Variants in SCN8A observed in about 807,000 individuals in gnomAD.
SCN8A encodes the protein sodium voltage-gated channel alpha subunit 8.
In SCN8A, 30 loss-of-function variants were observed where a neutral mutation model predicts 184.1. The ratio of observed to expected loss-of-function variants is 0.16; its 90% CI spans 0.12 to 0.22. The LOEUF is 0.22. SCN8A is among the 10% of genes least tolerant of loss of function. The pLI is 1.00. For missense variants in SCN8A, 1,057 were observed against 2,498.9 expected (o/e 0.42, Z 12.30); for synonymous variants, 852 against 907.0 (o/e 0.94, Z 1.09).
rs1228235939 is a variant in SCN8A, at chr12:51,808,317, CAAA to C, written c.*892_*894del. ...ACTAATTGACTAACACCACCAACAA[CAAA>C]AAACAAACCCAATCCAACAAGCAGA... On this transcript the variant is annotated 3_prime_UTR_variant, in exon 27 of 27. Coordinates refer to ENST00000627620, the MANE Select transcript of SCN8A (RefSeq NM_001330260.2). 1 of 152,600 alleles carries C rather than the reference CAAA, an allele frequency of 6.6e-6. No individual in the cohort carries two copies. The highest frequency in any genetic ancestry group is 1.5e-5 in the Non-Finnish European group (1 of 68,024). The allele number at this position is 152,600 out of a possible 1,614,324, so 9.5% of individuals were successfully genotyped here. A position where few individuals can be genotyped will look rare whatever the true frequency, so the allele number is the denominator to read the frequency against.
chr12:51,723,135 A>G (rs1193450965), intron 12 of SCN8A: 1 of 152,240 alleles, frequency 6.6e-6, no homozygotes, highest in Admixed American at 6.5e-5. Context: ...TAAAATATCA[A>G]AAGGCAATTT....
chr12:51,678,277 G>T (rs1392988802), intron 2 of SCN8A, among the ~76,000 whole-genome samples: 1 of 152,130 alleles, frequency 6.6e-6, no homozygotes, highest in Non-Finnish European at 1.5e-5. Flanking sequence ...TCTGCCTTGG[G>T]GCTGCTCTAT....
intron 1 of SCN8A, among the ~76,000 whole-genome samples, chr12:51,602,761 C>T (rs994906207): frequency 6.6e-6 from 1 of 152,044 alleles, no homozygotes; most frequent in African/African-American, 2.4e-5. Flanking sequence ...TGGCTTTGGG[C>T]CAATACACAG....
At chr12:51,642,803 C>A (rs990984597) in intron 1 of SCN8A, among the ~76,000 whole-genome samples, 1 of 151,608 alleles carries the variant, frequency 6.6e-6, no homozygotes, top group Non-Finnish European at 1.5e-5. Context: ...CCCATCTTCT[C>A]TTCCCCTGTA....
intron 11 of SCN8A, among the ~76,000 whole-genome samples, chr12:51,715,635 G>C (rs1456085765): frequency 7.2e-6 from 1 of 138,144 alleles, no homozygotes; most frequent in African/African-American, 2.8e-5. Flanking sequence ...TTCAGCCTGG[G>C]TGACAGAGCA....
At chr12:51,792,766 A>G (rs1938299692) in intron 25 of SCN8A, among the ~76,000 whole-genome samples, 1 of 152,148 alleles carries the variant, frequency 6.6e-6, no homozygotes, top group Admixed American at 6.5e-5. Context: ...GTTTTGAGAC[A>G]GAGTCTCTCT....
chr12:51,650,839 A>G (rs1000685885), intron 1 of SCN8A, among the ~76,000 whole-genome samples: 2 of 152,224 alleles, frequency 1.3e-5, no homozygotes, highest in Non-Finnish European at 2.9e-5. Context: ...AGAAGTGTGA[A>G]GTGGGAAATC....
intron 11 of SCN8A, chr12:51,713,222 A>T (rs1227144205): frequency 8.6e-7 from 1 of 1,165,884 alleles, no homozygotes; most frequent in Non-Finnish European, 1.3e-6. Flanking sequence ...CCACCAACAA[A>T]AATTTTCTTC....
At chr12:51,648,925 C>G (rs1480140669) in intron 1 of SCN8A, among the ~76,000 whole-genome samples, 1 of 152,180 alleles carries the variant, frequency 6.6e-6, no homozygotes, top group African/African-American at 2.4e-5. Context: ...TCCAAAGTCT[C>G]ATCTGAGATG....
At chr12:51,706,818 T>C (rs1402345625) in intron 11 of SCN8A, 103 bp downstream of exon 11, 1 of 856,934 alleles carries the variant, frequency 1.2e-6, no homozygotes, top group Non-Finnish European at 1.7e-6. Context: ...AAGTGTACCG[T>C]TCAGTGTTAA....
intron 12 of SCN8A, among the ~76,000 whole-genome samples, chr12:51,735,492 T>G (rs1942309633): frequency 6.6e-6 from 1 of 152,210 alleles, no homozygotes; most frequent in Non-Finnish European, 1.5e-5. Context: ...TGTGTAACTG[T>G]GTCATAGAGT....
intron 1 of SCN8A, among the ~76,000 whole-genome samples, chr12:51,653,542 G>A (rs1321946929): frequency 6.6e-6 from 1 of 152,118 alleles, no homozygotes; most frequent in Non-Finnish European, 1.5e-5. Context: ...TTCATTATGT[G>A]TATATTTCAC....
chr12:51,705,281 G>T, intron 9 of SCN8A, 136 bp from the exon 10 acceptor site: 1 of 696,426 alleles, frequency 1.4e-6, no homozygotes, highest in South Asian at 2.0e-5. Flanking sequence ...GCCCACAATA[G>T]GAAGGAGTAC....
chr12:51,677,030 C>T (rs1941233342), intron 2 of SCN8A, among the ~76,000 whole-genome samples: 1 of 151,218 alleles, frequency 6.6e-6, no homozygotes, highest in South Asian at 2.1e-4. Flanking sequence ...AAAGTCTTTT[C>T]ATATATATGC....
intron 1 of SCN8A, among the ~76,000 whole-genome samples, chr12:51,615,220 C>G (rs192170907): frequency 1.1e-4 from 17 of 151,918 alleles, no homozygotes; most frequent in African/African-American, 3.9e-4. Flanking sequence ...AGTGTTCAGT[C>G]TACTTAGAAT....
In SCN8A at chr12:51,633,785, A is replaced by T. The variant is rs1565867028; in HGVS notation, c.-54-28979A>T. Among the ~76,000 whole-genome samples the T allele has an allele frequency of 5.9e-5, 9 of 152,216 alleles. No individual in the cohort carries two copies. The South Asian group carries it at 1.9e-3, about 32-fold the overall frequency. On this transcript the variant is annotated intron_variant, in intron 1 of 26. Coordinates refer to ENST00000627620, the MANE Select transcript of SCN8A (RefSeq NM_001330260.2). ...ATCATATGCATTTTATTTGATTATG[A>T]TACTCTGGCGCAGACTAGGGAAGAG...
intron 1 of SCN8A, among the ~76,000 whole-genome samples, chr12:51,634,389 T>C (rs1940267226): frequency 6.6e-6 from 1 of 152,124 alleles, no homozygotes; most frequent in Non-Finnish European, 1.5e-5. Flanking sequence ...GGGGCGTCCA[T>C]TGTGTCTGCA....
intron 6 of SCN8A, among the ~76,000 whole-genome samples, chr12:51,693,728 A>G (rs909207963): frequency 6.6e-6 from 1 of 152,146 alleles, no homozygotes; most frequent in African/African-American, 2.4e-5. Flanking sequence ...CTTTACCCCT[A>G]TGCTTTGTCT....
At chr12:51,772,716 C>T (rs911058649) in intron 19 of SCN8A, among the ~76,000 whole-genome samples, 8 of 151,820 alleles carry the variant, frequency 5.3e-5, no homozygotes, top group African/African-American at 1.9e-4. Flanking sequence ...CACGGTAGCT[C>T]ACACCTGTAA....
Sources: gnomAD v4.1 joint callset for allele counts (sites outside exome capture counted in the v4.1 genomes callset) on GRCh38, gnomAD v4.1.1 for gene constraint, MANE v1.5 for transcripts, NCBI Gene and HGNC (gene_info 2026-07-23, HGNC 2026-07-21) for gene names.